EWSR1: variants seen among roughly 807,000 people sequenced by gnomAD.
The protein encoded by EWSR1 is EWS RNA binding protein 1.
In EWSR1, 14 loss-of-function variants were observed where a neutral mutation model predicts 92.1. The observed-to-expected ratio is 0.15, with a 90% CI of 0.10 to 0.24. The LOEUF (loss-of-function observed/expected upper bound fraction) is 0.24, where lower values mean the gene tolerates loss of function less well. EWSR1 is among the 10% of genes least tolerant of loss of function. The probability of loss-of-function intolerance (pLI) is 1.00; values close to 1 mark genes in which losing one functional copy is unlikely to be tolerated. For synonymous variants in EWSR1, 303 were observed against 292.9 expected, an observed-to-expected ratio of 1.03 and a Z score of -0.35; for missense variants, 637 against 870.9, an observed-to-expected ratio of 0.73 and a Z score of 3.38.
At chr22:29,275,701 G>A (rs2059054918) in intron 4 of EWSR1, 3 of 229,528 alleles carry the variant, frequency 1.3e-5, no homozygotes, top group Admixed American at 5.7e-5. Context: ...AGTCATTGGA[G>A]GGAATACATA....
intron 7 of EWSR1, 23 bp from the exon 8 acceptor site, chr22:29,288,583 T>C (rs1469599006): frequency 6.3e-7 from 1 of 1,597,098 alleles, no homozygotes; most frequent in Non-Finnish European, 8.5e-7. Flanking sequence ...GTCCATGGCT[T>C]ACAGATGTGA....
intron 8 of EWSR1, 130 bp from the exon 9 acceptor site, chr22:29,291,432 A>G: frequency 3.7e-6 from 3 of 818,940 alleles, no homozygotes; most frequent in South Asian, 2.0e-5. Flanking sequence ...GCATAGTGAC[A>G]AGATGAGAGA....
chr22:29,291,709 C>T (rs2060456114), intron 9 of EWSR1, 110 bp downstream of exon 9: 2 of 1,041,082 alleles, frequency 1.9e-6, no homozygotes, highest in African/African-American at 3.2e-5. Flanking sequence ...ATGATCTATA[C>T]AAAAGAGACT....
At chr22:29,298,926 T>C (rs1450953401) in intron 14 of EWSR1, 31 bp downstream of exon 14, 2 of 1,520,084 alleles carry the variant, frequency 1.3e-6, no homozygotes, top group Middle Eastern at 3.5e-4. Context: ...ATTGATACCC[T>C]ACGAGTGAAG....
intron 14 of EWSR1, 146 bp downstream of exon 14, chr22:29,299,041 T>A: frequency 1.5e-6 from 2 of 1,327,108 alleles, no homozygotes; most frequent in Non-Finnish European, 1.0e-6. Context: ...AGCCATTCAC[T>A]GGACGCTTCA....
chr22:29,299,445 G>A lies in EWSR1; in HGVS notation c.1678+114G>A, dbSNP rs946723494. On this transcript the variant is annotated intron_variant, in intron 15 of 16. Transcript: ENST00000397938. ...CTGCTTAACAACTTTGAGTTGTCGTGTCCTCATTTCTAAATTGTCAGCCCG... is the reference window on the plus strand; with the variant it reads ...CTGCTTAACAACTTTGAGTTGTCGTATCCTCATTTCTAAATTGTCAGCCCG... The A allele has an allele frequency of 3.5e-5, 52 of 1,498,008 alleles. No individual in the cohort carries two copies. The Middle Eastern group carries it at 5.4e-4, about 16-fold the overall frequency. The allele number at this position is 1,498,008 out of a possible 1,614,324, so 92.8% of individuals were successfully genotyped here.
At position 29,282,330 on chromosome 22, in the gene EWSR1, G is replaced by A. The variant is rs548930651; in HGVS notation, c.414-60G>A. The stretch of plus-strand genomic sequence containing the variant: ...TAGCATTCTTACCCAGGAGTTTTGT[G>A]GTTGACCAACCACACAAAAAAAGTC... On this transcript the variant is annotated intron_variant, in intron 5 of 16. Transcript: ENST00000397938. The A allele has an allele frequency of 3.2e-3, 4,467 of 1,409,572 alleles. 74 individuals are homozygous for A. The South Asian group carries it at 0.032, about 10-fold the overall frequency. 87.3% of individuals were successfully genotyped at this position (1,409,572 alleles called of 1,614,324 possible). A position where few individuals can be genotyped will look rare whatever the true frequency, so the allele number is the denominator to read the frequency against.
chr22:29,297,047 C>G (rs1233778635), intron 12 of EWSR1, among the ~76,000 whole-genome samples: 1 of 152,170 alleles, frequency 6.6e-6, no homozygotes, highest in Non-Finnish European at 1.5e-5. Context: ...AAGACTCTGT[C>G]TCAAAGAAAG....
intron 1 of EWSR1, among the ~76,000 whole-genome samples, chr22:29,271,273 C>T (rs2058661508): frequency 6.6e-6 from 1 of 152,074 alleles, no homozygotes; most frequent in South Asian, 2.1e-4. Context: ...CTTTAACTGC[C>T]TTTAAAAAAA....
intron 11 of EWSR1, among the ~76,000 whole-genome samples, chr22:29,294,269 C>G (rs2060666314): frequency 6.6e-6 from 1 of 152,072 alleles, no homozygotes; most frequent in South Asian, 2.1e-4. Flanking sequence ...GGTTAAGGGT[C>G]TTCGTTAAAT....
intron 11 of EWSR1, among the ~76,000 whole-genome samples, chr22:29,294,546 A>C (rs1602521459): frequency 6.6e-6 from 1 of 150,648 alleles, no homozygotes; most frequent in East Asian, 2.0e-4. Flanking sequence ...CGGAGCTTGC[A>C]GTGAGCTGAG....
intron 7 of EWSR1, 138 bp from the exon 8 acceptor site, chr22:29,288,468 G>A: frequency 1.4e-6 from 1 of 714,540 alleles, no homozygotes; most frequent in Non-Finnish European, 2.2e-6. Context: ...ACCTATTAAG[G>A]ATGCTTTATC....
At chr22:29,288,880 T>C in intron 8 of EWSR1, 94 bp downstream of exon 8, 1 of 1,226,038 alleles carries the variant, frequency 8.2e-7, no homozygotes, top group Non-Finnish European at 1.1e-6. Context: ...GAAATTAATT[T>C]CTGCATTTCC....
intron 12 of EWSR1, among the ~76,000 whole-genome samples, chr22:29,297,043 C>CT (rs1268234761): frequency 6.6e-6 from 1 of 152,202 alleles, no homozygotes; most frequent in Admixed American, 6.5e-5. Context: ...GAGCAAGACT[C>CT]TGTCTCAAAG....
At chr22:29,295,072 C>G (rs1344100209) in intron 11 of EWSR1, among the ~76,000 whole-genome samples, 1 of 150,596 alleles carries the variant, frequency 6.6e-6, no homozygotes, top group African/African-American at 2.4e-5. Flanking sequence ...TCCTTGTTTG[C>G]TTTTTTGTTT....
At position 29,300,363 on chromosome 22, in the gene EWSR1, CTTTTAAAAATGGTTG is replaced by C. The variant is rs1399481174; in HGVS notation, c.*206_*220del. On this transcript the variant is annotated 3_prime_UTR_variant, in exon 17 of 17. Coordinates refer to ENST00000397938, the MANE Select transcript of EWSR1 (RefSeq NM_005243.4). ...TGTGCGGAGTTTTTTTTTCTTCCTT[CTTTTAAAAATGGTTG>C]TTTAAGACTTTAACAATGGGAACCC... is the stretch of plus-strand genomic sequence containing the variant. 1.9e-6 allele frequency: 1 copy of C among 526,344 alleles called. No homozygotes were observed. Among genetic ancestry groups the C allele is most frequent in the East Asian group, 3.2e-5 (1 of 30,988 alleles). 32.6% of individuals were successfully genotyped at this position (526,344 alleles called of 1,614,324 possible).
At chr22:29,283,392 G>C (rs1218880518) in intron 6 of EWSR1, among the ~76,000 whole-genome samples, 1 of 152,068 alleles carries the variant, frequency 6.6e-6, no homozygotes, top group Non-Finnish European at 1.5e-5. Flanking sequence ...GTCTCACTCT[G>C]TTGCACAGGC....
intron 4 of EWSR1, chr22:29,274,127 T>C (rs1602217597): frequency 1.0e-6 from 1 of 970,616 alleles, no homozygotes; most frequent in Non-Finnish European, 1.6e-6. Context: ...ATGGAGACTA[T>C]GTAAAAGATT....
intron 12 of EWSR1, among the ~76,000 whole-genome samples, chr22:29,297,456 C>T (rs2060954432): frequency 6.6e-6 from 1 of 152,138 alleles, no homozygotes; most frequent in African/African-American, 2.4e-5. Flanking sequence ...CTTCAGGAGG[C>T]CAAGGCAGGA....
Sources: gnomAD v4.1 joint callset for allele counts (sites outside exome capture counted in the v4.1 genomes callset) on GRCh38, gnomAD v4.1.1 for gene constraint, MANE v1.5 for transcripts, NCBI Gene and HGNC (gene_info 2026-07-23, HGNC 2026-07-21) for gene names.